Variants in INF2 observed in about 807,000 individuals in gnomAD.
INF2 encodes inverted formin-2.
In INF2, 43 loss-of-function variants were observed where a neutral mutation model predicts 123.5. The ratio of observed to expected loss-of-function variants is 0.35; its 90% CI spans 0.27 to 0.45. The LOEUF (loss-of-function observed/expected upper bound fraction) is 0.45, where lower values mean the gene tolerates loss of function less well. Among genes scored for constraint, INF2 ranks in the 20% least tolerant of loss-of-function variants. The pLI is 1.00. For missense variants in INF2, 1,453 were observed against 1,682.7 expected (o/e 0.86, Z 2.39); for synonymous variants, 851 against 745.0 (o/e 1.14, Z -2.32).
In INF2 at chr14:104,715,133, G is replaced by A; in HGVS notation, c.3695-151G>A. The A allele has an allele frequency of 3.7e-6, 3 of 819,700 alleles. No individual in the cohort carries two copies. In the South Asian group the frequency reaches 4.6e-5, roughly 13 times the overall value. The allele number at this position is 819,700 out of a possible 1,614,324, so 50.8% of individuals were successfully genotyped here. A position where few individuals can be genotyped will look rare whatever the true frequency, so the allele number is the denominator to read the frequency against. On this transcript the variant is annotated intron_variant, in intron 21 of 22. Coordinates refer to ENST00000392634, the MANE Select transcript of INF2 (RefSeq NM_022489.4). ...ACACCGGGCACCAGGTCCCAGGCAA[G>A]TGGCTGCCATGTGGCTTAGTGGCCA...
chr14:104,710,685 G>T (rs1241127962), intron 13 of INF2: 1 of 570,018 alleles, frequency 1.8e-6, no homozygotes, highest in Non-Finnish European at 3.1e-6. Context: ...CACAGCCACT[G>T]GGCAGGGAGA....
chr14:104,708,866 G>A, intron 10 of INF2, 134 bp downstream of exon 10: 1 of 997,672 alleles, frequency 1.0e-6, no homozygotes, highest in Non-Finnish European at 1.6e-6. Context: ...CAGGATTGTA[G>A]GCGGGTAATA....
intron 6 of INF2, 51 bp from the exon 7 acceptor site, chr14:104,706,859 C>G: frequency 6.3e-7 from 1 of 1,592,648 alleles, no homozygotes; most frequent in Non-Finnish European, 8.5e-7. Flanking sequence ...AGTCCTTAGT[C>G]CACCAGGGAG....
Position 104,709,654 on chromosome 14 carries a change from C to G in INF2, c.2087C>G (p.Ala696Gly), listed in dbSNP as rs769120676. The change falls in exon 12 of 23, where the codon GCC becomes GGC. Residue 696 changes from alanine (A) to glycine (G), a missense_variant. Coordinates refer to ENST00000392634, the MANE Select transcript of INF2 (RefSeq NM_022489.4). ...CTGCGGGCATTCACAGAGGAGCGAG[C>G]CAAGCTGGCCAGCGCCGACCACTTC... The part of the protein sequence containing the change: ...ENLRAFTEER[A>G]KLASADHFYL... The G allele has an allele frequency of 6.2e-7, 1 of 1,612,688 alleles. No homozygotes were observed. The highest frequency in any genetic ancestry group is 1.6e-4 in the Middle Eastern group (1 of 6,062).
upstream of INF2, among the ~76,000 whole-genome samples, chr14:104,687,202 G>A (rs560199138): frequency 1.1e-3 from 164 of 152,182 alleles, no homozygotes; most frequent in African/African-American, 3.6e-3. This position sits in a 1 kb window ranked among gnomAD's most constrained non-coding sequence, Gnocchi z 5.6. Context: ...AGGCCAAATC[G>A]GTCCTCTCTT....
intron 1 of INF2, among the ~76,000 whole-genome samples, chr14:104,696,203 G>A (rs1889182360): frequency 6.6e-6 from 1 of 152,188 alleles, no homozygotes; most frequent in Non-Finnish European, 1.5e-5. Flanking sequence ...AGTGGCCCGG[G>A]GGCCCTCTTT....
chr14:104,701,799 A>T, intron 2 of INF2, 43 bp downstream of exon 2: 1 of 1,448,724 alleles, frequency 6.9e-7, no homozygotes, highest in Non-Finnish European at 9.1e-7. Flanking sequence ...GACGCTGGGG[A>T]CCTGGTATGA....
chr14:104,707,111 C>A, intron 7 of INF2, 60 bp downstream of exon 7: 1 of 1,529,800 alleles, frequency 6.5e-7, no homozygotes, highest in Non-Finnish European at 8.8e-7. Flanking sequence ...AGGTCTTAGA[C>A]CATGGGGGGG....
chr14:104,705,281 G>A (rs1268515955), intron 5 of INF2, among the ~76,000 whole-genome samples: 1 of 152,212 alleles, frequency 6.6e-6, no homozygotes, highest in Non-Finnish European at 1.5e-5. Context: ...GCTGGCCGTG[G>A]TGGCATGTGC....
At chr14:104,695,311 C>T (rs7149608) in intron 1 of INF2, among the ~76,000 whole-genome samples, 2,182 of 152,178 alleles carry the variant, frequency 0.014, 52 homozygotes, top group African/African-American at 0.05. Context: ...TGTAGCCGCT[C>T]GTCCCCCCAT....
chr14:104,712,474 T>C lies in INF2; in HGVS notation c.2531T>C (p.Leu844Pro). The change falls in exon 17 of 23, where the codon CTG (leucine) becomes CCG (proline). Residue 844 changes from leucine (L) to proline (P), a missense_variant. Leu to Pro is a moderately conservative substitution (Grantham distance 98, BLOSUM62 -3). Coordinates refer to ENST00000392634, the MANE Select transcript of INF2 (RefSeq NM_022489.4). ...EIIRSEASSN[L>P]KKLLETERKV... is the part of the protein sequence containing the mutation. ...ATCCGCTCAGAGGCCAGCTCCAACC[T>C]GAAGAAGCTTCTGGAGACCGAGCGG... is the stretch of plus-strand genomic sequence containing the variant. The C allele has an allele frequency of 6.2e-7, 1 of 1,612,614 alleles. No individual in the cohort carries two copies. The highest frequency in any genetic ancestry group is 8.5e-7 in the Non-Finnish European group (1 of 1,179,782).
intron 22 of INF2, chr14:104,717,455 C>G (rs1170032502): frequency 6.6e-6 from 1 of 152,318 alleles, no homozygotes; most frequent in Non-Finnish European, 1.5e-5. Context: ...CCACTTGCCC[C>G]AATAATTCCT....
At position 104,707,259 on chromosome 14, in the gene INF2, A is replaced by T. The variant is rs773020110; in HGVS notation, c.992A>T (p.Glu331Val). The change falls in exon 8 of 23, where the codon GAA (glutamate) becomes GTA (valine). Residue 331 changes from glutamate to valine, a missense_variant. Coordinates refer to ENST00000392634, the MANE Select transcript of INF2 (RefSeq NM_022489.4). ...RAVLLASDAQECTLEEVVERL... is the reference protein window; with the variant it reads ...RAVLLASDAQVCTLEEVVERL... ...TGGACATCCCCTACTGCAGCCCAGG[A>T]ATGCACCCTGGAGGAAGTGGTTGAG... The T allele has an allele frequency of 6.2e-7, 1 of 1,609,056 alleles. No homozygotes were observed. Among genetic ancestry groups the T allele is most frequent in the East Asian group, 2.2e-5 (1 of 44,740 alleles).
chr14:104,681,444 C>T (rs1463949101), exon 1 of INF2: 6 of 604,070 alleles, frequency 9.9e-6, no homozygotes, highest in South Asian at 3.0e-5. Flanking sequence ...GCTGGGGCAG[C>T]GTCTAGGAGG....
At chr14:104,686,351 G>A (rs894498249), upstream of INF2, among the ~76,000 whole-genome samples, 10 of 150,054 alleles carry the variant, frequency 6.7e-5, no homozygotes, top group African/African-American at 2.5e-4. Context: ...TGAATAGGTG[G>A]ATGGGTAGGT....
rs777125771 is a variant in INF2 at position 104,699,370 on chromosome 14, G to A, written c.-9-1987G>A. The stretch of plus-strand genomic sequence containing the variant: ...CTCTTTAGGCAGCAACAGCCAAGGC[G>A]GGTGGGAATATATGCAGAGGCCCGG... On this transcript the variant is annotated intron_variant, in intron 1 of 22. Coordinates refer to ENST00000392634, the MANE Select transcript of INF2 (RefSeq NM_022489.4). The surrounding 1 kb of genome is among the most constrained non-coding windows in gnomAD (Gnocchi z 4.7). The A allele has an allele frequency of 8.4e-5, 83 of 984,508 alleles. No homozygotes were observed. The highest frequency in any genetic ancestry group is 9.5e-5 in the Non-Finnish European group (79 of 829,290). The allele number at this position is 984,508 out of a possible 1,614,324, so 61.0% of individuals were successfully genotyped here.
chr14:104,689,695 C>T lies in INF2; in HGVS notation c.-54C>T. 1 of 984,834 alleles carries T rather than the reference C, an allele frequency of 1.0e-6. No homozygotes were observed. Among genetic ancestry groups the T allele is most frequent in the Non-Finnish European group, 1.2e-6 (1 of 829,730 alleles). The allele number at this position is 984,834 out of a possible 1,614,324, so 61.0% of individuals were successfully genotyped here. A position where few individuals can be genotyped will look rare whatever the true frequency, so the allele number is the denominator to read the frequency against. ...CCGCAGCCCCTGACCCGGCCCCGGA[C>T]GGAGCGCCGGCCGCACCACCGCCCT... On this transcript the variant is annotated 5_prime_UTR_variant, in exon 1 of 23. In the 5' UTR this introduces an upstream ATG that the reference lacks. Transcript: ENST00000392634.
Position 104,699,938 on chromosome 14 carries a change from G to A in INF2, c.-9-1419G>A, listed in dbSNP as rs180769939. Among the ~76,000 whole-genome samples, 26 of 152,266 alleles carry A rather than the reference G, an allele frequency of 1.7e-4. No individual in the cohort carries two copies. In the East Asian group the frequency reaches 2.9e-3, roughly 17 times the overall value. ...GGCCCCCTGGGGCAGTTGGACAGGT[G>A]GAGGGCTGAGGGGCGGTGCGGGGAG... On this transcript the variant is annotated intron_variant, in intron 1 of 22. Transcript: ENST00000392634. This position sits in a 1 kb window ranked among gnomAD's most constrained non-coding sequence, Gnocchi z 4.7.
Position 104,701,405 on chromosome 14 carries a change from C to G in INF2, c.40C>G (p.Leu14Val), listed in dbSNP as rs1889486400. Residue 14 changes from leucine to valine, a missense_variant, in exon 2 of 23, where the codon CTG (leucine) becomes GTG (valine). By Grantham distance (32) the Leu-to-Val change is conservative (BLOSUM62 1). This residue lies in a region of INF2 where 43 missense variants were observed against 44.7 expected (regional missense o/e 0.96). Transcript: ENST00000392634. The part of the protein sequence containing the change: ...KEGAQRKWAA[L>V]KEKLGPQDSD... Reference sequence around the variant, plus strand: ...GGGCGCACAGCGCAAGTGGGCAGCGCTGAAGGAGAAGCTGGGGCCACAGGA... The same window carrying G: ...GGGCGCACAGCGCAAGTGGGCAGCGGTGAAGGAGAAGCTGGGGCCACAGGA... The G allele has an allele frequency of 6.3e-7, 1 of 1,594,154 alleles. No individual in the cohort carries two copies. Among genetic ancestry groups the G allele is most frequent in the South Asian group, 1.1e-5 (1 of 88,264 alleles).
Sources: allele counts gnomAD v4.1 joint callset (sites outside exome capture counted in the v4.1 genomes callset), GRCh38; gene constraint gnomAD v4.1.1; regional missense constraint gnomAD v4.1.1; non-coding constraint Gnocchi (gnomAD v3.1); transcripts MANE v1.5; gene names NCBI Gene and HGNC (gene_info 2026-07-23, HGNC 2026-07-21).